PCDHGB1: variants seen among roughly 807,000 people sequenced by gnomAD.
PCDHGB1 encodes the protein protocadherin gamma subfamily B, 1, also known as protocadherin gamma-B1.
A neutral mutation model predicts 56.6 loss-of-function variants in PCDHGB1; 34 were observed. The ratio of observed to expected loss-of-function variants is 0.60; its 90% confidence interval spans 0.46 to 0.80. PCDHGB1 has a LOEUF of 0.80. Among genes scored for constraint, PCDHGB1 ranks in the 30% least tolerant of loss-of-function variants. The pLI, the probability that PCDHGB1 is intolerant of heterozygous loss-of-function variation, is 0.00. For synonymous variants in PCDHGB1, 561 were observed against 505.9 expected (o/e 1.11, Z -1.46); for missense variants, 1,278 against 1,204.6 (o/e 1.06, Z -0.90).
intron 1 of PCDHGB1, chr5:141,383,669 T>C (rs1208890643): frequency 1.2e-6 from 2 of 1,613,784 alleles, no homozygotes; most frequent in Non-Finnish European, 1.7e-6. Flanking sequence ...AATGTGCCAG[T>C]GGGTACAAGA....
At chr5:141,369,409 A>G (rs1468517805) in intron 1 of PCDHGB1, among the ~76,000 whole-genome samples, 1 of 152,194 alleles carries the variant, frequency 6.6e-6, no homozygotes, top group Non-Finnish European at 1.5e-5. Flanking sequence ...GTTCATGACT[A>G]TAATCCCAGC....
intron 1 of PCDHGB1, chr5:141,393,362 G>C (rs1377325166): frequency 5.0e-6 from 8 of 1,613,978 alleles, no homozygotes; most frequent in Non-Finnish European, 6.8e-6. Context: ...TGGACGTGCA[G>C]ACTGGAGACA....
chr5:141,486,617 C>A lies in PCDHGB1; in HGVS notation c.2410-8190C>A. On this transcript the variant is annotated intron_variant, in intron 1 of 3. Coordinates refer to ENST00000523390, the MANE Select transcript of PCDHGB1 (RefSeq NM_018922.3). The surrounding 1 kb of genome is among the most constrained non-coding windows in gnomAD (Gnocchi z 5.0). The stretch of plus-strand genomic sequence containing the variant: ...GCTTTGCTCCCTTGCAGCCTCTGAC[C>A]CAGACTCTGGCTTGAATGCGCTTAT... The A allele has an allele frequency of 1.2e-6, 2 of 1,613,602 alleles. No homozygotes were observed. The highest frequency in any genetic ancestry group is 2.2e-5 in the East Asian group (1 of 44,874).
intron 1 of PCDHGB1, chr5:141,440,542 C>T (rs1448576873): frequency 6.6e-6 from 1 of 152,206 alleles, no homozygotes; most frequent in Non-Finnish European, 1.5e-5. Context: ...CACGGTTCAG[C>T]AGGAATGTTA....
Position 141,422,832 on chromosome 5 carries a change from A to G in PCDHGB1, c.2409+70163A>G, listed in dbSNP as rs12520854. On this transcript the variant is annotated intron_variant, in intron 1 of 3. Coordinates refer to ENST00000523390, the MANE Select transcript of PCDHGB1 (RefSeq NM_018922.3). Reference sequence around the variant, plus strand: ...GAGACTTAGAACTGAGAGTGATAGCACGTGACAGCGGGGACCCGCCCCTCA... The same window carrying G: ...GAGACTTAGAACTGAGAGTGATAGCGCGTGACAGCGGGGACCCGCCCCTCA... The G allele has an allele frequency of 6.8e-3, 10,902 of 1,614,192 alleles. 60 individuals are homozygous for G. The highest frequency in any genetic ancestry group is 7.9e-3 in the Non-Finnish European group (9,294 of 1,180,036).
chr5:141,383,186 G>A (rs760844021), intron 1 of PCDHGB1: 4 of 1,614,100 alleles, frequency 2.5e-6, no homozygotes, highest in Non-Finnish European at 3.4e-6. Flanking sequence ...GAAGAGATCT[G>A]CGCTCAGAGT....
chr5:141,375,043 A>G, intron 1 of PCDHGB1: 1 of 1,614,056 alleles, frequency 6.2e-7, no homozygotes, highest in Non-Finnish European at 8.5e-7. Context: ...TGGGTGTTGA[A>G]GCCCGGGATG....
chr5:141,355,345 GC>G (rs762863131), intron 1 of PCDHGB1: 17 of 1,613,902 alleles, frequency 1.1e-5, no homozygotes, highest in African/African-American at 1.3e-5. Flanking sequence ...GGGCAACATC[GC>G]CAAGGACCTG....
intron 1 of PCDHGB1, chr5:141,409,175 G>T: frequency 6.2e-7 from 1 of 1,614,008 alleles, no homozygotes; most frequent in Non-Finnish European, 8.5e-7. Flanking sequence ...GAAGGACGGA[G>T]GTGGTCTCTC....
chr5:141,373,338 G>T (rs1251212812), intron 1 of PCDHGB1, among the ~76,000 whole-genome samples: 1 of 152,166 alleles, frequency 6.6e-6, no homozygotes, highest in Non-Finnish European at 1.5e-5. Context: ...ATCTAAAATG[G>T]CAACTCTTGT....
rs771313271 is a variant in PCDHGB1 at position 141,477,861 on chromosome 5, G to C, written c.2410-16946G>C. 1.2e-6 allele frequency: 2 copies of C among 1,612,714 alleles called. No individual in the cohort carries two copies. Among genetic ancestry groups the C allele is most frequent in the South Asian group, 1.1e-5 (1 of 90,968 alleles). On this transcript the variant is annotated intron_variant, in intron 1 of 3. Transcript: ENST00000523390. The surrounding 1 kb of genome is among the most constrained non-coding windows in gnomAD (Gnocchi z 4.9). ...GGGAGCTCGGTGGAGATGCTGCCTC[G>C]AGGTACCTCAGCTGGCCACCTAGTG...
chr5:141,445,389 C>T (rs1484183450), intron 1 of PCDHGB1, among the ~76,000 whole-genome samples: 1 of 152,174 alleles, frequency 6.6e-6, no homozygotes, highest in Non-Finnish European at 1.5e-5. Flanking sequence ...CATTCATTTA[C>T]ATAACAAATA....
intron 1 of PCDHGB1, chr5:141,387,775 A>C (rs2091090328): frequency 6.9e-7 from 1 of 1,450,000 alleles, no homozygotes; most frequent in South Asian, 1.4e-5. Context: ...TTTTTTCTTG[A>C]ACTGGAACTG....
intron 1 of PCDHGB1, chr5:141,408,708 A>G (rs773303576): frequency 6.2e-6 from 10 of 1,612,888 alleles, no homozygotes; most frequent in Non-Finnish European, 8.5e-6. Flanking sequence ...TCAATTAAAG[A>G]TTATAAGATA....
At position 141,491,196 on chromosome 5, in the gene PCDHGB1, T is replaced by C. The variant is rs899789155; in HGVS notation, c.2410-3611T>C. ...TGGTGGTCCTGGTGAGGGACAATGGTGACCCTTCACTCTCCTCCACAGCCA... is the reference window on the plus strand; with the variant it reads ...TGGTGGTCCTGGTGAGGGACAATGGCGACCCTTCACTCTCCTCCACAGCCA... On this transcript the variant is annotated intron_variant, in intron 1 of 3. Transcript: ENST00000523390. The surrounding 1 kb of genome is among the most constrained non-coding windows in gnomAD (Gnocchi z 6.9). The C allele has an allele frequency of 6.8e-6, 11 of 1,614,186 alleles. No homozygotes were observed. The highest frequency in any genetic ancestry group is 9.3e-6 in the Non-Finnish European group (11 of 1,180,030).
chr5:141,371,160 C>T, intron 1 of PCDHGB1: 4 of 1,614,022 alleles, frequency 2.5e-6, no homozygotes, highest in Non-Finnish European at 2.5e-6. Context: ...AGAGAACCTG[C>T]CCGCTGGCTC....
At position 141,405,211 on chromosome 5, in the gene PCDHGB1, T is replaced by G. The variant is rs756004707; in HGVS notation, c.2409+52542T>G. On this transcript the variant is annotated intron_variant, in intron 1 of 3. Coordinates refer to ENST00000523390, the MANE Select transcript of PCDHGB1 (RefSeq NM_018922.3). ...GGGTTCGAGCTTTCCTACAGACCTA[T>G]TCTCAGGAGTTCTCCCTCACCGCTG... The G allele has an allele frequency of 7.4e-6, 12 of 1,613,432 alleles. No homozygotes were observed. In the South Asian group the frequency reaches 1.2e-4, roughly 16 times the overall value.
chr5:141,419,240 G>T, intron 1 of PCDHGB1: 1 of 1,613,980 alleles, frequency 6.2e-7, no homozygotes. Flanking sequence ...CCTGGTCCAC[G>T]TGCCAGAAAA....
intron 1 of PCDHGB1, chr5:141,388,701 G>A: frequency 1.9e-6 from 3 of 1,613,986 alleles, no homozygotes; most frequent in South Asian, 1.1e-5. Context: ...GGATGAGGGT[G>A]TCAATGCCGA....
Sources: gnomAD v4.1 joint callset for allele counts (sites outside exome capture counted in the v4.1 genomes callset) on GRCh38, gnomAD v4.1.1 for gene constraint, Gnocchi (gnomAD v3.1) non-coding constraint, MANE v1.5 for transcripts, NCBI Gene and HGNC (gene_info 2026-07-23, HGNC 2026-07-21) for gene names.